GPC5: variants seen among roughly 807,000 people sequenced by gnomAD.
The protein encoded by GPC5 is glypican 5, also known as glypican-5.
GPC5 carries 47 observed loss-of-function variants against 53.9 expected under a neutral mutation model. The observed-to-expected ratio is 0.87, with a 90% CI of 0.69 to 1.11. GPC5 has a LOEUF of 1.11. Ranked by LOEUF, GPC5 falls within the 50% of genes most tolerant of loss-of-function variation. GPC5 has a pLI of 0.00. For missense variants in GPC5, 748 were observed against 713.1 expected (o/e 1.05, Z -0.56); for synonymous variants, 286 against 263.3 (o/e 1.09, Z -0.84).
At chr13:91,525,633 A>G (rs1886050413) in intron 2 of GPC5, among the ~76,000 whole-genome samples, 1 of 152,218 alleles carries the variant, frequency 6.6e-6, no homozygotes, top group African/African-American at 2.4e-5. Flanking sequence ...GGAAAGAAGT[A>G]AGTGCATGTT....
chr13:92,164,127 A>G (rs971059505), intron 7 of GPC5, among the ~76,000 whole-genome samples: 7 of 152,184 alleles, frequency 4.6e-5, no homozygotes, highest in Admixed American at 2.0e-4. Flanking sequence ...AAATTTGGGT[A>G]GGGACTCAGA....
intron 7 of GPC5, among the ~76,000 whole-genome samples, chr13:92,344,904 A>T (rs73629697): frequency 0.027 from 4,063 of 152,304 alleles, 166 homozygotes; most frequent in African/African-American, 0.092. Context: ...TGATTATATG[A>T]TATGAGAATA....
chr13:92,144,545 C>G (rs1180458971), intron 6 of GPC5, among the ~76,000 whole-genome samples: 5 of 152,138 alleles, frequency 3.3e-5, no homozygotes, highest in African/African-American at 1.2e-4. Context: ...ATCCTCTAGA[C>G]AAACTGCCAT....
At chr13:92,700,461 G>C (rs1340603049) in intron 7 of GPC5, among the ~76,000 whole-genome samples, 1 of 151,900 alleles carries the variant, frequency 6.6e-6, no homozygotes, top group African/African-American at 2.4e-5. Flanking sequence ...ATAGTGTTAG[G>C]TATGCATTTA....
intron 7 of GPC5, among the ~76,000 whole-genome samples, chr13:92,658,040 T>C (rs1198814129): frequency 6.6e-6 from 1 of 152,216 alleles, no homozygotes; most frequent in Non-Finnish European, 1.5e-5. Flanking sequence ...CTTTACTCTG[T>C]GTTTATTATA....
intron 4 of GPC5, among the ~76,000 whole-genome samples, chr13:91,736,901 GA>G (rs1368262758): frequency 6.6e-6 from 1 of 150,720 alleles, no homozygotes; most frequent in Non-Finnish European, 1.5e-5. Flanking sequence ...AGAACAATAG[GA>G]AAAAATAAAA....
chr13:92,031,308 C>T lies in GPC5; in HGVS notation c.1402-113522C>T, dbSNP rs140141386. 6.5e-3 allele frequency among the ~76,000 whole-genome samples: 989 copies of T among 152,250 alleles called. 3 individuals are homozygous for T. The highest frequency in any genetic ancestry group is 0.011 in the Non-Finnish European group (736 of 68,022). ...ACCAAACGTCTACTTCCAACTCTGA[C>T]TTCACCTTTGAGGTCCAGACTGGAG... is the stretch of plus-strand genomic sequence containing the variant. On this transcript the variant is annotated intron_variant, in intron 6 of 7. Coordinates refer to ENST00000377067, the MANE Select transcript of GPC5 (RefSeq NM_004466.6).
Position 91,503,504 on chromosome 13 carries a change from G to A in GPC5, c.325+54582G>A, listed in dbSNP as rs150823771. Among the ~76,000 whole-genome samples the A allele has an allele frequency of 3.9e-4, 60 of 152,060 alleles. No homozygotes were observed. In the East Asian group the frequency reaches 9.5e-3, roughly 24 times the overall value. On this transcript the variant is annotated intron_variant, in intron 2 of 7. Transcript: ENST00000377067. ...TTACAATTAATAATTAGGCTGGGCC[G>A]GGTGCAGTCGCTCATGCCTATAATC...
intron 7 of GPC5, among the ~76,000 whole-genome samples, chr13:92,515,554 T>C (rs1455012185): frequency 2.0e-5 from 3 of 152,212 alleles, no homozygotes; most frequent in Admixed American, 6.5e-5. Context: ...AGAATTTTAC[T>C]AGCTTGTTTT....
chr13:92,376,340 T>C (rs2043693528), intron 7 of GPC5, among the ~76,000 whole-genome samples: 1 of 152,210 alleles, frequency 6.6e-6, no homozygotes, highest in Non-Finnish European at 1.5e-5. Flanking sequence ...TTAGCTTCCA[T>C]GTCATCAATT....
intron 7 of GPC5, among the ~76,000 whole-genome samples, chr13:92,264,432 C>A (rs2042787124): frequency 6.6e-6 from 1 of 151,996 alleles, no homozygotes. Flanking sequence ...CCAAACTGTG[C>A]CTAAATGGTG....
chr13:91,700,211 G>A (rs1196019049), intron 3 of GPC5, among the ~76,000 whole-genome samples: 3 of 152,128 alleles, frequency 2.0e-5, no homozygotes, highest in Non-Finnish European at 2.9e-5. Context: ...TAGCAGTGGT[G>A]AGGGCTAATG....
rs80036605 is a variant in GPC5, at chr13:91,637,357, G to A, written c.326-55830G>A. ...AAAAGAGTGAGGGATAAATTCATGCGAGAGCCTAGAGATTTACATTTTAAT... is the reference window on the plus strand; with the variant it reads ...AAAAGAGTGAGGGATAAATTCATGCAAGAGCCTAGAGATTTACATTTTAAT... On this transcript the variant is annotated intron_variant, in intron 2 of 7. Transcript: ENST00000377067. Among the ~76,000 whole-genome samples, 6 of 152,298 alleles carry A rather than the reference G, an allele frequency of 3.9e-5. No individual in the cohort carries two copies. In the East Asian group the frequency reaches 5.8e-4, roughly 15 times the overall value.
intron 7 of GPC5, among the ~76,000 whole-genome samples, chr13:92,281,534 C>T (rs533602709): frequency 2.6e-5 from 4 of 152,202 alleles, no homozygotes; most frequent in African/African-American, 9.6e-5. Context: ...GGCTGGGTAC[C>T]CCTCTGAGAC....
chr13:92,103,858 A>G lies in GPC5; in HGVS notation c.1402-40972A>G, dbSNP rs527616321. 1.1e-4 allele frequency among the ~76,000 whole-genome samples: 16 copies of G among 152,280 alleles called. 1 individual carries two copies. Among genetic ancestry groups the G allele is most frequent in the Admixed American group, 4.6e-4 (7 of 15,292 alleles). Reference sequence around the variant, plus strand: ...TCTTAGGTTTTTTTCAGAAGTGCACATAGCACTGCTGGTGCATGAGTTGCG... The same window carrying G: ...TCTTAGGTTTTTTTCAGAAGTGCACGTAGCACTGCTGGTGCATGAGTTGCG... On this transcript the variant is annotated intron_variant, in intron 6 of 7. Coordinates refer to ENST00000377067, the MANE Select transcript of GPC5 (RefSeq NM_004466.6).
At chr13:91,819,610 C>A (rs1466740939) in intron 5 of GPC5, among the ~76,000 whole-genome samples, 4 of 152,048 alleles carry the variant, frequency 2.6e-5, no homozygotes, top group Non-Finnish European at 5.9e-5. Context: ...ATTTTAATTG[C>A]TGAATATTTT....
chr13:92,431,001 G>C (rs557178347), intron 7 of GPC5, among the ~76,000 whole-genome samples: 2 of 152,286 alleles, frequency 1.3e-5, no homozygotes, highest in South Asian at 4.1e-4. Flanking sequence ...CTTTGATGCT[G>C]ATGAGCACTA....
chr13:91,831,906 G>T (rs539855501), intron 5 of GPC5, among the ~76,000 whole-genome samples: 3 of 152,090 alleles, frequency 2.0e-5, no homozygotes, highest in East Asian at 1.9e-4. Flanking sequence ...GAATAAGGGG[G>T]ATGAGGTGCT....
At chr13:92,437,322 G>A (rs1048403179) in intron 7 of GPC5, among the ~76,000 whole-genome samples, 2 of 151,962 alleles carry the variant, frequency 1.3e-5, no homozygotes, top group Admixed American at 1.3e-4. Flanking sequence ...TTAGTTTTTT[G>A]ATTTATGCAT....
Sources: allele counts gnomAD v4.1 joint callset (sites outside exome capture counted in the v4.1 genomes callset), GRCh38; gene constraint gnomAD v4.1.1; transcripts MANE v1.5; gene names NCBI Gene and HGNC (gene_info 2026-07-23, HGNC 2026-07-21).